Variants in KIF26B observed in about 807,000 individuals in gnomAD.
KIF26B encodes kinesin-like protein KIF26B.
A neutral mutation model predicts 151.2 loss-of-function variants in KIF26B; 63 were observed. The ratio of observed to expected loss-of-function variants is 0.42; its 90% confidence interval spans 0.34 to 0.51. The LOEUF (loss-of-function observed/expected upper bound fraction) is 0.51. KIF26B is among the 20% of genes least tolerant of loss of function. KIF26B has a pLI of 0.07. For missense variants in KIF26B, 2,813 were observed against 2,913.6 expected, an observed-to-expected ratio of 0.97 and a Z score of 0.79; for synonymous variants, 1,357 against 1,262.1, an observed-to-expected ratio of 1.08 and a Z score of -1.59.
intron 2 of KIF26B, among the ~76,000 whole-genome samples, chr1:245,312,167 C>G (rs1671677743): frequency 1.0e-5 from 1 of 95,550 alleles, no homozygotes; most frequent in East Asian, 4.6e-4. Flanking sequence ...CTTCCTGGCC[C>G]CTTGCTTGTG....
At chr1:245,438,531 C>T (rs149517724) in intron 4 of KIF26B, among the ~76,000 whole-genome samples, 337 of 152,300 alleles carry the variant, frequency 2.2e-3, no homozygotes, top group African/African-American at 7.7e-3. Context: ...AGACCTTTCA[C>T]TCTAGGTATA....
chr1:245,424,679 G>A (rs1460892461), intron 4 of KIF26B, among the ~76,000 whole-genome samples: 3 of 152,142 alleles, frequency 2.0e-5, no homozygotes, highest in Non-Finnish European at 4.4e-5. Flanking sequence ...GAGAGGAAGC[G>A]TTTAGAAACA....
At chr1:245,249,421 A>G (rs1302575370) in intron 2 of KIF26B, among the ~76,000 whole-genome samples, 1 of 151,834 alleles carries the variant, frequency 6.6e-6, no homozygotes, top group African/African-American at 2.4e-5. Flanking sequence ...TTAATGGCCA[A>G]ACAGAATTCC....
intron 2 of KIF26B, among the ~76,000 whole-genome samples, chr1:245,259,846 G>A (rs1002044424): frequency 6.6e-6 from 1 of 150,846 alleles, no homozygotes; most frequent in African/African-American, 2.4e-5. Flanking sequence ...GAGGCAGCAG[G>A]ATTGCTTAGG....
At chr1:245,473,870 G>A (rs1659970356) in intron 4 of KIF26B, among the ~76,000 whole-genome samples, 1 of 151,798 alleles carries the variant, frequency 6.6e-6, no homozygotes, top group Non-Finnish European at 1.5e-5. Flanking sequence ...GTGCAGCTCT[G>A]CTCTCTCGGT....
chr1:245,288,468 G>C (rs933931590), intron 2 of KIF26B, among the ~76,000 whole-genome samples: 8 of 152,196 alleles, frequency 5.3e-5, no homozygotes, highest in Non-Finnish European at 8.8e-5. Context: ...ATGCCAAAGA[G>C]TATTGAGCAA....
chr1:245,600,527 A>T (rs2043385492), intron 5 of KIF26B, among the ~76,000 whole-genome samples: 2 of 150,780 alleles, frequency 1.3e-5, no homozygotes, highest in Admixed American at 1.3e-4. Flanking sequence ...TTTTGTAGAG[A>T]TGGGCTCTCA....
intron 2 of KIF26B, among the ~76,000 whole-genome samples, chr1:245,229,456 C>G (rs952509918): frequency 2.6e-5 from 4 of 152,142 alleles, no homozygotes; most frequent in Non-Finnish European, 4.4e-5. Context: ...AGGTAAGGAG[C>G]CGTGACTTAC....
In KIF26B at chr1:245,685,829, A is replaced by G. The variant is rs1386962141; in HGVS notation, c.2846A>G (p.Glu949Gly). The G allele has an allele frequency of 1.2e-6, 2 of 1,611,420 alleles. No homozygotes were observed. The highest frequency in any genetic ancestry group is 1.3e-5 in the African/African-American group (1 of 74,998). Residue 949 changes from glutamate (E) to glycine (G), a missense_variant, in exon 12 of 15, where the codon GAA becomes GGA. Transcript: ENST00000407071. ...GAGCCCAGCAGCTTTCCTTTCGAAG[A>G]ACTGCCTGCTCAGTTTGGGCCAGAG... The part of the protein sequence containing the change: ...SEEPSSFPFE[E>G]LPAQFGPEQA...
intron 3 of KIF26B, among the ~76,000 whole-genome samples, chr1:245,399,700 C>T (rs1291584704): frequency 1.3e-5 from 2 of 152,182 alleles, no homozygotes; most frequent in African/African-American, 2.4e-5. Flanking sequence ...GCATGCAGAG[C>T]TTTGGTTAGC....
At chr1:245,280,365 CAAA>C (rs1191254237) in intron 2 of KIF26B, among the ~76,000 whole-genome samples, 8 of 129,638 alleles carry the variant, frequency 6.2e-5, no homozygotes, top group African/African-American at 1.4e-4. Flanking sequence ...ACAAAAAATA[CAAA>C]AAAAAAAAAA....
chr1:245,514,477 CA>C (rs1319430550), intron 4 of KIF26B, among the ~76,000 whole-genome samples: 1 of 151,968 alleles, frequency 6.6e-6, no homozygotes, highest in African/African-American at 2.4e-5. Flanking sequence ...TGCAGTGAGC[CA>C]AGATCCTCCA....
chr1:245,164,560 A>C (rs1484714938), intron 2 of KIF26B, among the ~76,000 whole-genome samples: 1 of 152,218 alleles, frequency 6.6e-6, no homozygotes, highest in Non-Finnish European at 1.5e-5. Flanking sequence ...AACGGCAGGC[A>C]TAGGCCAGGA....
chr1:245,587,885 A>G (rs2043244657), intron 5 of KIF26B, among the ~76,000 whole-genome samples: 1 of 152,196 alleles, frequency 6.6e-6, no homozygotes, highest in Non-Finnish European at 1.5e-5. Context: ...AAAAGTTAAC[A>G]TCTATAGTTT....
In KIF26B at chr1:245,512,126, A is replaced by AACAT. The variant is rs1660851988; in HGVS notation, c.1167-28640_1167-28639insCATA. 6.6e-6 allele frequency among the ~76,000 whole-genome samples: 1 copy of AACAT among 152,214 alleles called. No homozygotes were observed. Among genetic ancestry groups the AACAT allele is most frequent in the Non-Finnish European group, 1.5e-5 (1 of 68,040 alleles). On this transcript the variant is annotated intron_variant, in intron 4 of 14. Transcript: ENST00000407071. This position sits in a 1 kb window ranked among gnomAD's most constrained non-coding sequence, Gnocchi z 4.3. Reference sequence around the variant, plus strand: ...TAAAAAAAGTCCATACGGTAATGTTAATGCAGCTATTTCTGGCTTCTTAAA... The same window carrying AACAT: ...TAAAAAAAGTCCATACGGTAATGTTAACATATGCAGCTATTTCTGGCTTCTTAAA...
chr1:245,267,634 G>GCACACACACACA (rs66498609), intron 2 of KIF26B, among the ~76,000 whole-genome samples: 7 of 136,336 alleles, frequency 5.1e-5, no homozygotes, highest in East Asian at 2.2e-4. Flanking sequence ...GCTAAGTAAT[G>GCACACACACACA]CACACACACA....
intron 4 of KIF26B, among the ~76,000 whole-genome samples, chr1:245,424,371 C>G (rs1039368352): frequency 3.9e-5 from 6 of 152,226 alleles, no homozygotes; most frequent in African/African-American, 1.4e-4. Flanking sequence ...TGGTCTTGAA[C>G]TCCTGACCTC....
Position 245,454,376 on chromosome 1 carries a change from T to C in KIF26B, c.1166+34631T>C, listed in dbSNP as rs150534582. Among the ~76,000 whole-genome samples, 569 of 152,264 alleles carry C rather than the reference T, an allele frequency of 3.7e-3. 5 individuals carry two copies. Among genetic ancestry groups the C allele is most frequent in the Non-Finnish European group, 6.5e-3 (441 of 68,012 alleles). Reference sequence around the variant, plus strand: ...AGGTAAATGCAAAGAAGGATGGAAATAAAATATGGCTCAGCTGTGGCCTGA... The same window carrying C: ...AGGTAAATGCAAAGAAGGATGGAAACAAAATATGGCTCAGCTGTGGCCTGA... On this transcript the variant is annotated intron_variant, in intron 4 of 14. Coordinates refer to ENST00000407071, the MANE Select transcript of KIF26B (RefSeq NM_018012.4).
rs548875625 is a variant in KIF26B, at chr1:245,636,348, A to G, written c.2099-9773A>G. Among the ~76,000 whole-genome samples the G allele has an allele frequency of 4.6e-5, 5 of 108,442 alleles. No individual in the cohort carries two copies. The Admixed American group carries it at 4.9e-4, about 11-fold the overall frequency. The allele number at this position is 108,442 out of a possible 152,430, so 71.1% of individuals were successfully genotyped here. A position where few individuals can be genotyped will look rare whatever the true frequency, so the allele number is the denominator to read the frequency against. ...GAATTATCTCATTTCTCATTATAGA[A>G]CGTTTTTTTTTTTGACTCTAACAAC... On this transcript the variant is annotated intron_variant, in intron 9 of 14. Transcript: ENST00000407071.
Sources: allele counts gnomAD v4.1 joint callset (sites outside exome capture counted in the v4.1 genomes callset), GRCh38; gene constraint gnomAD v4.1.1; non-coding constraint Gnocchi (gnomAD v3.1); transcripts MANE v1.5; gene names NCBI Gene and HGNC (gene_info 2026-07-23, HGNC 2026-07-21).